The following PKNOX2 variants were observed in gnomAD, a reference collection of about 807,000 sequenced individuals.
The protein encoded by PKNOX2 is PBX/knotted 1 homeobox 2.
PKNOX2 carries 14 observed loss-of-function variants against 53.1 expected under a neutral mutation model. The ratio of observed to expected loss-of-function variants is 0.26; its 90% CI spans 0.17 to 0.41. The LOEUF (loss-of-function observed/expected upper bound fraction) is 0.41, where lower values mean the gene tolerates loss of function less well. Ranked by LOEUF, PKNOX2 falls within the 10% of genes least tolerant of loss-of-function variation. PKNOX2 has a pLI of 1.00. For synonymous variants in PKNOX2, 257 were observed against 242.8 expected, an observed-to-expected ratio of 1.06 and a Z score of -0.54; for missense variants, 496 against 602.8, an observed-to-expected ratio of 0.82 and a Z score of 1.85.
intron 2 of PKNOX2, among the ~76,000 whole-genome samples, chr11:125,269,085 A>G (rs546199427): frequency 6.6e-6 from 1 of 152,358 alleles, no homozygotes; most frequent in South Asian, 2.1e-4. Context: ...GATGAAAGAG[A>G]TGGGAATTCT....
chr11:125,260,594 C>A (rs918339781), intron 2 of PKNOX2, among the ~76,000 whole-genome samples: 1 of 152,156 alleles, frequency 6.6e-6, no homozygotes, highest in Non-Finnish European at 1.5e-5. Flanking sequence ...AAGACGAGTT[C>A]TGTTGCCTTT....
chr11:125,431,064 T>A (rs111923811), intron 12 of PKNOX2, 102 bp from the exon 13 acceptor site: 17 of 1,478,710 alleles, frequency 1.1e-5, no homozygotes, highest in African/African-American at 8.4e-5. Context: ...AAACAAGGAG[T>A]TCACTGCTCT....
chr11:125,326,957 G>A (rs1001074320), intron 2 of PKNOX2, among the ~76,000 whole-genome samples: 3 of 152,218 alleles, frequency 2.0e-5, no homozygotes, highest in East Asian at 1.9e-4. Flanking sequence ...TGGCGTGTCC[G>A]TGTAGGCAAA....
At chr11:125,181,359 C>CA (rs1956148140) in intron 1 of PKNOX2, among the ~76,000 whole-genome samples, 1 of 152,208 alleles carries the variant, frequency 6.6e-6, no homozygotes, top group African/African-American at 2.4e-5. Flanking sequence ...GAGGAGGTTA[C>CA]ACTGCAGGCT....
chr11:125,178,186 C>T (rs2135245969), intron 1 of PKNOX2, among the ~76,000 whole-genome samples: 1 of 152,136 alleles, frequency 6.6e-6, no homozygotes, highest in Admixed American at 6.6e-5. Context: ...AGTAACTTAC[C>T]TAAGGCCACA....
rs1956618117 is a variant in PKNOX2, at chr11:125,429,976, C to T, written c.1027C>T (p.Arg343Trp). The T allele has an allele frequency of 1.2e-6, 2 of 1,613,882 alleles. No individual in the cohort carries two copies. Among genetic ancestry groups the T allele is most frequent in the African/African-American group, 1.3e-5 (1 of 74,916 alleles). Residue 343 changes from arginine (R) to tryptophan (W), a missense_variant, in exon 12 of 13, where the codon CGG becomes TGG. By Grantham distance (101) the Arg-to-Trp change is moderately radical. Around this residue, in one of 5 missense-constraint regions of PKNOX2, gnomAD observed 36 missense variants for 81.9 expected, o/e 0.44. Coordinates refer to ENST00000298282, the MANE Select transcript of PKNOX2 (RefSeq NM_001382323.2). ...ACCTCTGGGCAGGTTCATCAATGCC[C>T]GGAGGCGCATCCTGCAGCCCATGCT... The part of the protein sequence containing the change: ...LQVNNWFINA[R>W]RRILQPMLDA...
At position 125,240,708 on chromosome 11, in the gene PKNOX2, TCA is replaced by T. The variant is rs1323148194; in HGVS notation, c.-130+5594_-130+5595del. The stretch of plus-strand genomic sequence containing the variant: ...CCATTCTCAGATCCTTCTCAAATCC[TCA>T]GAGGGAGAACCGGGAGGCTTATAAG... On this transcript the variant is annotated intron_variant, in intron 2 of 12. Coordinates refer to ENST00000298282, the MANE Select transcript of PKNOX2 (RefSeq NM_001382323.2). This position sits in a 1 kb window ranked among gnomAD's most constrained non-coding sequence, Gnocchi z 4.3. 6.6e-6 allele frequency among the ~76,000 whole-genome samples: 1 copy of T among 152,116 alleles called. No homozygotes were observed. Among genetic ancestry groups the T allele is most frequent in the Non-Finnish European group, 1.5e-5 (1 of 68,010 alleles).
intron 2 of PKNOX2, among the ~76,000 whole-genome samples, chr11:125,294,943 A>T (rs1947553640): frequency 6.6e-6 from 1 of 152,170 alleles, no homozygotes; most frequent in Non-Finnish European, 1.5e-5. Flanking sequence ...GAGGAACTGG[A>T]ACTCTGCCTT....
chr11:125,315,303 G>GCAAAAAAAAAAAAAAAAAAAAAAA (rs1949087067), intron 2 of PKNOX2, among the ~76,000 whole-genome samples: 3 of 79,442 alleles, frequency 3.8e-5, no homozygotes, highest in African/African-American at 1.2e-4. Context: ...TGTGAAGCAG[G>GCAAAAAAAAAAAAAAAAAAAAAAA]AAAAAAAAAA....
At chr11:125,168,087 A>T (rs1369503167) in intron 1 of PKNOX2, among the ~76,000 whole-genome samples, 1 of 152,210 alleles carries the variant, frequency 6.6e-6, no homozygotes, top group Non-Finnish European at 1.5e-5. Flanking sequence ...TCAGGATTTC[A>T]GCCCAGCTGC....
At chr11:125,275,048 A>C (rs894665408) in intron 2 of PKNOX2, among the ~76,000 whole-genome samples, 2 of 152,208 alleles carry the variant, frequency 1.3e-5, no homozygotes, top group Admixed American at 6.5e-5. Flanking sequence ...TGAACAAGAC[A>C]AGGGTCCCTG....
chr11:125,283,208 C>T (rs1311278347), intron 2 of PKNOX2, among the ~76,000 whole-genome samples: 3 of 151,994 alleles, frequency 2.0e-5, no homozygotes, highest in Non-Finnish European at 4.4e-5. Context: ...TTCCATATAG[C>T]CACATGCAGC....
intron 2 of PKNOX2, among the ~76,000 whole-genome samples, chr11:125,241,540 C>T (rs1433814562): frequency 6.6e-6 from 1 of 152,204 alleles, no homozygotes; most frequent in Non-Finnish European, 1.5e-5. Context: ...CTGGTCATAA[C>T]AGGCACCCTA....
Position 125,417,340 on chromosome 11 carries a change from C to T in PKNOX2, c.936+5475C>T, listed in dbSNP as rs141628909. On this transcript the variant is annotated intron_variant, in intron 10 of 12. Coordinates refer to ENST00000298282, the MANE Select transcript of PKNOX2 (RefSeq NM_001382323.2). ...AGCTTTTCAGAATATGCTCTGTGTGCGGGGAGATCCTGGAGACCAGGCCCC... is the reference window on the plus strand; with the variant it reads ...AGCTTTTCAGAATATGCTCTGTGTGTGGGGAGATCCTGGAGACCAGGCCCC... 3.7e-3 allele frequency among the ~76,000 whole-genome samples: 563 copies of T among 152,074 alleles called. 20 individuals are homozygous for T. Among genetic ancestry groups the T allele is most frequent in the African/African-American group, 0.013 (531 of 41,346 alleles).
chr11:125,328,889 C>A (rs1461560203), intron 2 of PKNOX2, among the ~76,000 whole-genome samples: 1 of 152,222 alleles, frequency 6.6e-6, no homozygotes, highest in Non-Finnish European at 1.5e-5. Flanking sequence ...AAGGGAAAGG[C>A]ATCTCTCATA....
intron 2 of PKNOX2, among the ~76,000 whole-genome samples, chr11:125,257,223 A>G (rs1944471430): frequency 6.6e-6 from 1 of 152,250 alleles, no homozygotes; most frequent in Admixed American, 6.5e-5. Flanking sequence ...AAAACTCAGC[A>G]CTAGAGGAAT....
At chr11:125,317,671 G>A (rs1949283797) in intron 2 of PKNOX2, among the ~76,000 whole-genome samples, 1 of 152,202 alleles carries the variant, frequency 6.6e-6, no homozygotes, top group South Asian at 2.1e-4. Context: ...GTGGTAAACA[G>A]ATGAGCTGTC....
At chr11:125,220,214 G>C (rs1226292386) in intron 1 of PKNOX2, among the ~76,000 whole-genome samples, 1 of 152,228 alleles carries the variant, frequency 6.6e-6, no homozygotes, top group Non-Finnish European at 1.5e-5. Flanking sequence ...GGACAGGTGG[G>C]AGACAGGAAT....
chr11:125,202,131 G>A (rs1046816673), intron 1 of PKNOX2, among the ~76,000 whole-genome samples: 1 of 152,184 alleles, frequency 6.6e-6, no homozygotes, highest in Non-Finnish European at 1.5e-5. Context: ...GGAAGGAGAG[G>A]GGGAAAGTTC....
Sources: gnomAD v4.1 joint callset for allele counts (sites outside exome capture counted in the v4.1 genomes callset) on GRCh38, gnomAD v4.1.1 for gene constraint, gnomAD v4.1.1 regional missense constraint, Gnocchi (gnomAD v3.1) non-coding constraint, MANE v1.5 for transcripts, NCBI Gene and HGNC (gene_info 2026-07-23, HGNC 2026-07-21) for gene names.